Variants in MACROD2 observed in about 807,000 individuals in gnomAD.
MACROD2 encodes mono-ADP ribosylhydrolase 2.
A neutral mutation model predicts 70.4 loss-of-function variants in MACROD2; 36 were observed. The observed-to-expected ratio is 0.51, with a 90% CI of 0.39 to 0.68. The LOEUF (loss-of-function observed/expected upper bound fraction) is 0.68, where lower values mean the gene tolerates loss of function less well. Ranked by LOEUF, MACROD2 falls within the 30% of genes least tolerant of loss-of-function variation. The pLI is 0.00. For missense variants in MACROD2, 496 were observed against 538.4 expected, an observed-to-expected ratio of 0.92 and a Z score of 0.78; for synonymous variants, 172 against 178.8, an observed-to-expected ratio of 0.96 and a Z score of 0.30.
Position 15,674,463 on chromosome 20 carries a change from T to C in MACROD2, c.645+174616T>C, listed in dbSNP as rs1379312201. Among the ~76,000 whole-genome samples the C allele has an allele frequency of 4.6e-5, 7 of 152,034 alleles. 1 individual carries two copies. The highest frequency in any genetic ancestry group is 2.6e-4 in the Admixed American group (4 of 15,258). On this transcript the variant is annotated intron_variant, in intron 8 of 17. Coordinates refer to ENST00000684519, the MANE Select transcript of MACROD2 (RefSeq NM_001351661.2). ...TGTGAAATAGGCGAGTCATCAATAA[T>C]AGAATTATCATTACATTTAGAAGCC...
At chr20:14,278,730 A>C (rs1448628894) in intron 3 of MACROD2, among the ~76,000 whole-genome samples, 1 of 152,202 alleles carries the variant, frequency 6.6e-6, no homozygotes, top group Non-Finnish European at 1.5e-5. Flanking sequence ...ACTTCAAAAT[A>C]CTATCATTTT....
chr20:14,832,572 T>C (rs531237984), intron 5 of MACROD2, among the ~76,000 whole-genome samples: 1 of 152,226 alleles, frequency 6.6e-6, no homozygotes, highest in East Asian at 1.9e-4. Context: ...TTCTACCTCT[T>C]TGGGGTGCCC....
intron 6 of MACROD2, among the ~76,000 whole-genome samples, chr20:15,381,267 A>G (rs1568763550): frequency 6.6e-6 from 1 of 151,938 alleles, no homozygotes; most frequent in Admixed American, 6.6e-5. Flanking sequence ...TAGACCCACT[A>G]TCTAGCCAAG....
chr20:14,013,212 TCA>T (rs1342401016), intron 2 of MACROD2, among the ~76,000 whole-genome samples: 1 of 152,016 alleles, frequency 6.6e-6, no homozygotes, highest in Non-Finnish European at 1.5e-5. Flanking sequence ...ATTGAAAGAA[TCA>T]ATGTATAAGT....
chr20:15,307,126 A>G (rs1266079959), intron 6 of MACROD2, among the ~76,000 whole-genome samples: 1 of 152,158 alleles, frequency 6.6e-6, no homozygotes, highest in East Asian at 1.9e-4. Flanking sequence ...TGGGGATCAC[A>G]TTTCAACATG....
At chr20:14,329,973 T>A (rs2082803745) in intron 3 of MACROD2, among the ~76,000 whole-genome samples, 1 of 151,986 alleles carries the variant, frequency 6.6e-6, no homozygotes, top group South Asian at 2.1e-4. Context: ...AAAGGTGACA[T>A]AGAAGTTCAA....
chr20:14,262,553 A>G (rs1408400200), intron 3 of MACROD2, among the ~76,000 whole-genome samples: 1 of 152,234 alleles, frequency 6.6e-6, no homozygotes, highest in Non-Finnish European at 1.5e-5. Context: ...CACAGATGTG[A>G]TAGTGGAAAC....
At chr20:14,859,182 GA>G (rs2073288115) in intron 5 of MACROD2, among the ~76,000 whole-genome samples, 1 of 151,896 alleles carries the variant, frequency 6.6e-6, no homozygotes, top group Non-Finnish European at 1.5e-5. Context: ...TACCACTAAA[GA>G]ACCTATCCGT....
intron 5 of MACROD2, among the ~76,000 whole-genome samples, chr20:14,838,353 A>T (rs957399907): frequency 6.6e-6 from 1 of 152,130 alleles, no homozygotes; most frequent in African/African-American, 2.4e-5. Flanking sequence ...GTCATTTGTG[A>T]AATTTAATAA....
At chr20:15,169,807 C>T (rs1425779193) in intron 5 of MACROD2, among the ~76,000 whole-genome samples, 1 of 152,034 alleles carries the variant, frequency 6.6e-6, no homozygotes, top group African/African-American at 2.4e-5. Flanking sequence ...GGGCATTTCC[C>T]TCAGAGACAA....
At chr20:15,749,982 CA>C (rs1293202468) in intron 8 of MACROD2, among the ~76,000 whole-genome samples, 16 of 152,144 alleles carry the variant, frequency 1.1e-4, no homozygotes, top group African/African-American at 3.6e-4. Flanking sequence ...GCACAGGCAA[CA>C]GAAACAAAAG....
intron 6 of MACROD2, among the ~76,000 whole-genome samples, chr20:15,299,708 A>G (rs1203403604): frequency 6.6e-6 from 1 of 152,214 alleles, no homozygotes; most frequent in Admixed American, 6.5e-5. Context: ...TGTATATTTC[A>G]CATACCTATC....
At chr20:15,611,183 G>A (rs552112963) in intron 8 of MACROD2, among the ~76,000 whole-genome samples, 2 of 152,050 alleles carry the variant, frequency 1.3e-5, no homozygotes, top group South Asian at 2.1e-4. Flanking sequence ...TGCACATGAT[G>A]TGAATTGTGC....
chr20:14,518,440 C>G (rs1658810459), intron 4 of MACROD2, among the ~76,000 whole-genome samples: 1 of 152,078 alleles, frequency 6.6e-6, no homozygotes, highest in South Asian at 2.1e-4. Flanking sequence ...AAGCAGCCTT[C>G]TTTATTTTTT....
At chr20:15,576,151 T>C (rs767380933) in intron 8 of MACROD2, among the ~76,000 whole-genome samples, 7 of 152,162 alleles carry the variant, frequency 4.6e-5, no homozygotes, top group Non-Finnish European at 1.0e-4. Flanking sequence ...TCTCTTTCTT[T>C]CTTTTTCTGT....
At chr20:15,147,273 A>G (rs1364486914) in intron 5 of MACROD2, among the ~76,000 whole-genome samples, 2 of 152,176 alleles carry the variant, frequency 1.3e-5, no homozygotes, top group Non-Finnish European at 2.9e-5. Context: ...CTAAATTGCT[A>G]TTGCATAATT....
At chr20:14,967,148 G>C (rs765340216) in intron 5 of MACROD2, among the ~76,000 whole-genome samples, 17 of 152,128 alleles carry the variant, frequency 1.1e-4, no homozygotes, top group Non-Finnish European at 2.4e-4. Flanking sequence ...TCAAGTCTTT[G>C]CTGATTTTAA....
rs193297449 is a variant in MACROD2 at position 14,362,574 on chromosome 20, G to T, written c.272-130905G>T. Among the ~76,000 whole-genome samples the T allele has an allele frequency of 5.7e-3, 872 of 152,194 alleles. 7 individuals are homozygous for T. Among genetic ancestry groups the T allele is most frequent in the Middle Eastern group, 0.01 (3 of 294 alleles). On this transcript the variant is annotated intron_variant, in intron 3 of 17. Coordinates refer to ENST00000684519, the MANE Select transcript of MACROD2 (RefSeq NM_001351661.2). ...AATTTCACAGCCCCAAGTTAACTTT[G>T]TATAGTATGGTTTAATTGCTCTATC... is the stretch of plus-strand genomic sequence containing the variant.
intron 8 of MACROD2, among the ~76,000 whole-genome samples, chr20:15,806,452 CACA>C (rs2063770426): frequency 6.6e-6 from 1 of 152,330 alleles, no homozygotes; most frequent in South Asian, 2.1e-4. Context: ...GAATGCTCAA[CACA>C]AGGCTCCCCT....
Sources: gnomAD v4.1 joint callset for allele counts (sites outside exome capture counted in the v4.1 genomes callset) on GRCh38, gnomAD v4.1.1 for gene constraint, MANE v1.5 for transcripts, NCBI Gene and HGNC (gene_info 2026-07-23, HGNC 2026-07-21) for gene names.